The following ENTREP2 variants were observed in gnomAD, a reference collection of about 807,000 sequenced individuals.
ENTREP2 encodes protein ENTREP2.
the ENTREP2 span, among the ~76,000 whole-genome samples, chr15:29,331,183 G>A: frequency 6.6e-6 from 1 of 152,220 alleles, no homozygotes; most frequent in Non-Finnish European, 1.5e-5. Context: ...TAATTTTAGA[G>A]CATGACTTTT....
chr15:29,176,842 A>G, the ENTREP2 span, among the ~76,000 whole-genome samples: 2 of 152,096 alleles, frequency 1.3e-5, no homozygotes, highest in Non-Finnish European at 2.9e-5. Flanking sequence ...TTTTGGTCCC[A>G]TTATCTCTGC....
chr15:29,232,492 GT>G, the ENTREP2 span, among the ~76,000 whole-genome samples: 12 of 150,854 alleles, frequency 8.0e-5, no homozygotes, highest in African/African-American at 2.9e-4. Flanking sequence ...GAGATGGGGG[GT>G]CTCATTTTTT....
the ENTREP2 span, among the ~76,000 whole-genome samples, chr15:29,417,057 C>T: frequency 7.7e-3 from 1,173 of 152,308 alleles, 3 homozygotes; most frequent in Non-Finnish European, 0.012. Context: ...GGACTGTAAA[C>T]CAGTTCAACC....
the ENTREP2 span, among the ~76,000 whole-genome samples, chr15:29,366,100 G>A: frequency 6.6e-6 from 1 of 152,130 alleles, no homozygotes; most frequent in Non-Finnish European, 1.5e-5. Flanking sequence ...TCGAGATGAA[G>A]TCTTGCTCTG....
chr15:29,458,862 C>A, the ENTREP2 span, among the ~76,000 whole-genome samples: 1 of 152,178 alleles, frequency 6.6e-6, no homozygotes, highest in African/African-American at 2.4e-5. Flanking sequence ...ATTTTTTCCA[C>A]AGACTCCTTG....
chr15:29,588,680 C>T, the ENTREP2 span, among the ~76,000 whole-genome samples: 1 of 151,992 alleles, frequency 6.6e-6, no homozygotes, highest in African/African-American at 2.4e-5. Context: ...GACTTGATGA[C>T]ATAGTACAAA....
chr15:29,342,188 C>T, the ENTREP2 span, among the ~76,000 whole-genome samples: 15 of 152,072 alleles, frequency 9.9e-5, no homozygotes, highest in African/African-American at 3.1e-4. Flanking sequence ...ATACAGATGG[C>T]GATGAGGGGA....
chr15:29,200,022 G>C, the ENTREP2 span, among the ~76,000 whole-genome samples: 2 of 152,050 alleles, frequency 1.3e-5, no homozygotes, highest in South Asian at 4.2e-4. Flanking sequence ...AAATTAGTCG[G>C]GCATATTTGT....
the ENTREP2 span, among the ~76,000 whole-genome samples, chr15:29,643,397 C>A: frequency 6.6e-6 from 1 of 152,088 alleles, no homozygotes; most frequent in Non-Finnish European, 1.5e-5. Flanking sequence ...CATTAGCCAC[C>A]AGGGAAATGC....
chr15:29,228,667 A>G, the ENTREP2 span, among the ~76,000 whole-genome samples: 1 of 152,212 alleles, frequency 6.6e-6, no homozygotes, highest in Non-Finnish European at 1.5e-5. Context: ...AGAATAATAT[A>G]CTGTTTAATT....
chr15:29,177,709 C>T, the ENTREP2 span, among the ~76,000 whole-genome samples: 1 of 152,126 alleles, frequency 6.6e-6, no homozygotes, highest in Non-Finnish European at 1.5e-5. Context: ...GCATAGGGAG[C>T]ACTCTCAGGG....
the ENTREP2 span, among the ~76,000 whole-genome samples, chr15:29,504,305 A>C: frequency 2.0e-5 from 3 of 152,224 alleles, no homozygotes; most frequent in Admixed American, 6.5e-5. Context: ...CACTCTATAG[A>C]GGAGTTAAAT....
chr15:29,187,056 GCTT>G, the ENTREP2 span, among the ~76,000 whole-genome samples: 1 of 151,970 alleles, frequency 6.6e-6, no homozygotes, highest in Non-Finnish European at 1.5e-5. Flanking sequence ...CACTTCCTCA[GCTT>G]CTTAGATGCT....
At chr15:29,600,508 T>G in the ENTREP2 span, among the ~76,000 whole-genome samples, 1 of 152,134 alleles carries the variant, frequency 6.6e-6, no homozygotes, top group Non-Finnish European at 1.5e-5. Context: ...ATAGATGTGA[T>G]GATGATGATC....
At chr15:29,339,598 A>G in the ENTREP2 span, among the ~76,000 whole-genome samples, 1 of 152,214 alleles carries the variant, frequency 6.6e-6, no homozygotes, top group East Asian at 1.9e-4. Context: ...TTAATTTACC[A>G]AATAACGTTT....
the ENTREP2 span, among the ~76,000 whole-genome samples, chr15:29,547,114 G>T: frequency 2.7e-4 from 39 of 146,884 alleles, no homozygotes; most frequent in African/African-American, 8.0e-4. Context: ...TTGAGATGGA[G>T]TCTCGCTCTG....
At chr15:29,328,030 C>T in the ENTREP2 span, among the ~76,000 whole-genome samples, 2 of 152,084 alleles carry the variant, frequency 1.3e-5, no homozygotes, top group African/African-American at 4.8e-5. Flanking sequence ...TGTAAACAAG[C>T]AAGGTATCTT....
the ENTREP2 span, among the ~76,000 whole-genome samples, chr15:29,409,993 C>CTAT: frequency 6.6e-6 from 1 of 152,194 alleles, no homozygotes; most frequent in African/African-American, 2.4e-5. Flanking sequence ...GCCTGCTCAG[C>CTAT]TATCATCACG....
the ENTREP2 span, among the ~76,000 whole-genome samples, chr15:29,261,099 T>C: frequency 2.0e-5 from 3 of 152,218 alleles, no homozygotes; most frequent in African/African-American, 2.4e-5. Flanking sequence ...ATAAACATAC[T>C]GTGAACATAT....
Sources: gnomAD v4.1 joint callset for allele counts (sites outside exome capture counted in the v4.1 genomes callset) on GRCh38, gnomAD v4.1.1 for gene constraint, MANE v1.5 for transcripts, NCBI Gene and HGNC (gene_info 2026-07-23, HGNC 2026-07-21) for gene names.